Variants in CRHR2 observed in about 807,000 individuals in gnomAD.
CRHR2 encodes corticotropin-releasing hormone receptor 2.
In CRHR2, 53 loss-of-function variants were observed where a neutral mutation model predicts 57.9. The ratio of observed to expected loss-of-function variants is 0.92; its 90% CI spans 0.73 to 1.15. CRHR2 has a LOEUF of 1.15. Among genes scored for constraint, CRHR2 ranks in the 50% most tolerant of loss-of-function variants. The pLI is 0.00. For missense variants in CRHR2, 532 were observed against 542.6 expected, an observed-to-expected ratio of 0.98 and a Z score of 0.19; for synonymous variants, 213 against 220.9, an observed-to-expected ratio of 0.96 and a Z score of 0.32.
chr7:30,675,359 C>T (rs1396915967), intron 2 of CRHR2, among the ~76,000 whole-genome samples: 3 of 152,234 alleles, frequency 2.0e-5, no homozygotes. Context: ...GCTGGGACCT[C>T]TGACTTAAGG....
rs559976162 is a variant in CRHR2, at chr7:30,666,654, A to G, written c.315+574T>C. On this transcript the variant is annotated intron_variant, in intron 3 of 11. Coordinates refer to ENST00000471646, the MANE Select transcript of CRHR2 (RefSeq NM_001883.5). ...CAAAGTCCCAGCCCCACTGAGGACT[A>G]TGCTGGGTAATGAGGAGGGGATGGA... Among the ~76,000 whole-genome samples the G allele has an allele frequency of 1.5e-4, 23 of 152,372 alleles. No individual in the cohort carries two copies. In the South Asian group the frequency reaches 3.9e-3, roughly 26 times the overall value.
chr7:30,687,471 AC>A, intron 2 of CRHR2, among the ~76,000 whole-genome samples: 2 of 152,206 alleles, frequency 1.3e-5, no homozygotes, highest in African/African-American at 4.8e-5. Flanking sequence ...AAATAAAAAA[AC>A]AATTGAACAT....
In CRHR2 at chr7:30,653,475, C is replaced by G; in HGVS notation, c.1221G>C (p.Gln407His). The change falls in exon 12 of 12, where the codon CAG becomes CAC. Residue 407 changes from glutamine (Q) to histidine (H), a missense_variant. Transcript: ENST00000471646. This position sits in a 1 kb window ranked among gnomAD's most constrained non-coding sequence, Gnocchi z 5.0. ...GACCGAGGGGTCACACAGCGGCCGT[C>G]TGCTTGATGCTGTGGAAGCTGATCC... ...PTRISFHSIK[Q>H]TAAV The G allele has an allele frequency of 6.2e-7, 1 of 1,613,504 alleles. No homozygotes were observed. Among genetic ancestry groups the G allele is most frequent in the Non-Finnish European group, 8.5e-7 (1 of 1,179,902 alleles).
At chr7:30,689,133 C>A (rs1000803408) in intron 2 of CRHR2, 11 of 1,472,582 alleles carry the variant, frequency 7.5e-6, no homozygotes, top group Non-Finnish European at 1.0e-5. Flanking sequence ...CTCTTCCTCC[C>A]GCAGGGCCCA....
At chr7:30,687,992 G>C (rs1784887494) in intron 2 of CRHR2, among the ~76,000 whole-genome samples, 1 of 152,228 alleles carries the variant, frequency 6.6e-6, no homozygotes, top group Admixed American at 6.5e-5. Flanking sequence ...GCTTCAGATG[G>C]TGTCACAGGC....
chr7:30,686,353 C>T (rs1010665251), upstream of CRHR2: 103 of 1,508,108 alleles, frequency 6.8e-5, no homozygotes, highest in East Asian at 2.5e-3. Context: ...ATGCTCTAGA[C>T]TTCAGCCCAG....
At chr7:30,673,925 C>T (rs940041759) in intron 2 of CRHR2, among the ~76,000 whole-genome samples, 2 of 152,182 alleles carry the variant, frequency 1.3e-5, no homozygotes, top group African/African-American at 4.8e-5. Flanking sequence ...TTGCCAACCC[C>T]AGCCACTGGG....
intron 5 of CRHR2, among the ~76,000 whole-genome samples, chr7:30,663,468 C>T (rs1453677112): frequency 2.0e-5 from 3 of 152,236 alleles, no homozygotes; most frequent in South Asian, 2.1e-4. Context: ...AAAAGTAACC[C>T]TGCCTTCCAG....
intron 2 of CRHR2, among the ~76,000 whole-genome samples, chr7:30,680,323 T>C (rs1784659776): frequency 6.6e-6 from 1 of 152,226 alleles, no homozygotes; most frequent in Admixed American, 6.5e-5. Context: ...TCAGCTTGGC[T>C]ATGAAGAAGA....
chr7:30,682,509 G>A (rs1034389951), upstream of CRHR2: 10 of 1,269,550 alleles, frequency 7.9e-6, no homozygotes, highest in South Asian at 2.3e-4. Flanking sequence ...GGGTACAGCC[G>A]CTCCGCCGCG....
At chr7:30,667,354 T>C (rs1226074588) in intron 2 of CRHR2, 41 bp from the exon 3 acceptor site, 1 of 1,580,458 alleles carries the variant, frequency 6.3e-7, no homozygotes, top group Admixed American at 1.7e-5. Context: ...GTCACTCCCC[T>C]CCTCAAGAAC....
Position 30,662,217 on chromosome 7 carries a change from C to T in CRHR2, c.698-1G>A. The T allele has an allele frequency of 6.2e-7, 1 of 1,614,102 alleles. No homozygotes were observed. The highest frequency in any genetic ancestry group is 8.5e-7 in the Non-Finnish European group (1 of 1,180,008). Reference sequence around the variant, plus strand: ...GCGACGATGATGGGGAAGGGGATGCCTGAAAGAAGGAAAGACTTGGGCTGC... The same window carrying T: ...GCGACGATGATGGGGAAGGGGATGCTTGAAAGAAGGAAAGACTTGGGCTGC... On this transcript the variant is annotated splice_acceptor_variant, in intron 6 of 11. Transcript: ENST00000471646. LOFTEE classifies it high-confidence loss of function.
At chr7:30,655,520 GCTGCCAGAGCAGC>G (rs1359447936) in intron 10 of CRHR2, 47 bp downstream of exon 10, 13 of 1,565,172 alleles carry the variant, frequency 8.3e-6, no homozygotes, top group Non-Finnish European at 1.1e-5. Context: ...TGAGGGCATG[GCTGCCAGAGCAGC>G]CTCAGGAAAG....
At position 30,665,296 on chromosome 7, in the gene CRHR2, A is replaced by G; in HGVS notation, c.426-109T>C. On this transcript the variant is annotated intron_variant, in intron 4 of 11. Coordinates refer to ENST00000471646, the MANE Select transcript of CRHR2 (RefSeq NM_001883.5). This position sits in a 1 kb window ranked among gnomAD's most constrained non-coding sequence, Gnocchi z 4.5. ...CCTGGGATGAGGGCAGGGCTGCACT[A>G]GGAGCCACTTCCCACCCATGGTGGC... 1.0e-6 allele frequency: 1 copy of G among 977,122 alleles called. No homozygotes were observed. The allele number at this position is 977,122 out of a possible 1,614,324, so 60.5% of individuals were successfully genotyped here. A position where few individuals can be genotyped will look rare whatever the true frequency, so the allele number is the denominator to read the frequency against.
Position 30,693,225 on chromosome 7 carries a change from G to A in CRHR2, c.-260-3941C>T, listed in dbSNP as rs75027161. Among the ~76,000 whole-genome samples, 184 of 152,314 alleles carry A rather than the reference G, an allele frequency of 1.2e-3. 2 individuals are homozygous for A. Among genetic ancestry groups the A allele is most frequent in the African/African-American group, 4.1e-3 (172 of 41,562 alleles). On this transcript the variant is annotated intron_variant, in intron 1 of 13. Transcript: ENST00000341843. ...GAATTTCCTGGGTGACAGGAGTGTC[G>A]TTAGTTCTAATGAGGTGACTCTTGG...
chr7:30,681,737 T>G (rs1459947561), intron 2 of CRHR2, among the ~76,000 whole-genome samples, 178 bp downstream of exon 2: 1 of 152,102 alleles, frequency 6.6e-6, no homozygotes, highest in African/African-American at 2.4e-5. Flanking sequence ...AGACGCTGTA[T>G]TGGGGGTAGA....
intron 1 of CRHR2, among the ~76,000 whole-genome samples, chr7:30,693,725 A>C (rs1028274060): frequency 6.6e-6 from 1 of 150,754 alleles, no homozygotes; most frequent in African/African-American, 2.5e-5. Context: ...TGTGGGACTG[A>C]GGCTTTACCT....
chr7:30,653,329 T>C lies in CRHR2; in HGVS notation c.*131A>G. 7.3e-7 allele frequency: 1 copy of C among 1,374,778 alleles called. No homozygotes were observed. Among genetic ancestry groups the C allele is most frequent in the Non-Finnish European group, 9.8e-7 (1 of 1,017,196 alleles). The allele number at this position is 1,374,778 out of a possible 1,614,324, so 85.2% of individuals were successfully genotyped here. On this transcript the variant is annotated 3_prime_UTR_variant, in exon 12 of 12. Coordinates refer to ENST00000471646, the MANE Select transcript of CRHR2 (RefSeq NM_001883.5). The surrounding 1 kb of genome is among the most constrained non-coding windows in gnomAD (Gnocchi z 5.0). Reference sequence around the variant, plus strand: ...TCCCCCTTGGCTGCCGCACCCCCTCTTTCCTGCCAGGCTGGAGAGCTGGTC... The same window carrying C: ...TCCCCCTTGGCTGCCGCACCCCCTCCTTCCTGCCAGGCTGGAGAGCTGGTC...
rs759737916 is a variant in CRHR2 at position 30,660,612 on chromosome 7, C to A, written c.792G>T (p.Val264=). 4 of 1,572,432 alleles carry A rather than the reference C, an allele frequency of 2.5e-6. No individual in the cohort carries two copies. Among genetic ancestry groups the A allele is most frequent in the Non-Finnish European group, 3.5e-6 (4 of 1,158,454 alleles). ...TGATGGGGCCTTGGTAGATGTAGTCCACCAGGTCGCCAGGCTCCTTGCCAA... is the reference window on the plus strand; with the variant it reads ...TGATGGGGCCTTGGTAGATGTAGTCAACCAGGTCGCCAGGCTCCTTGCCAA... ...CWFGKEPGDL[V]DYIYQGPIIL... Residue 264 remains valine, a synonymous_variant, in exon 8 of 12, where the codon GTG becomes GTT. Coordinates refer to ENST00000471646, the MANE Select transcript of CRHR2 (RefSeq NM_001883.5).
Sources: gnomAD v4.1 joint callset for allele counts (sites outside exome capture counted in the v4.1 genomes callset) on GRCh38, gnomAD v4.1.1 for gene constraint, Gnocchi (gnomAD v3.1) non-coding constraint, MANE v1.5 for transcripts, NCBI Gene and HGNC (gene_info 2026-07-23, HGNC 2026-07-21) for gene names.